Variants in PPP4R4 observed in about 807,000 individuals in gnomAD.
PPP4R4 encodes the protein serine/threonine-protein phosphatase 4 regulatory subunit 4.
In PPP4R4, 70 loss-of-function variants were observed where a neutral mutation model predicts 121.8. The ratio of observed to expected loss-of-function variants is 0.57; its 90% CI spans 0.47 to 0.70. The LOEUF is 0.70. Ranked by LOEUF, PPP4R4 falls within the 30% of genes least tolerant of loss-of-function variation. The probability of loss-of-function intolerance (pLI) is 0.00; values close to 1 mark genes in which losing one functional copy is unlikely to be tolerated. For synonymous variants in PPP4R4, 348 were observed against 355.7 expected (o/e 0.98, Z 0.24); for missense variants, 875 against 1,033.6 (o/e 0.85, Z 2.10).
intron 9 of PPP4R4, among the ~76,000 whole-genome samples, chr14:94,241,555 A>G (rs1286473638): frequency 6.6e-6 from 1 of 152,088 alleles, no homozygotes; most frequent in Admixed American, 6.5e-5. Flanking sequence ...TTCCTGCGTT[A>G]TGTAAGTTAT....
intron 1 of PPP4R4, 168 bp from the exon 2 acceptor site, chr14:94,175,886 C>T (rs981423629): frequency 1.5e-5 from 9 of 613,258 alleles, no homozygotes; most frequent in African/African-American, 9.2e-5. Flanking sequence ...TAGAGACCTC[C>T]GTGATTGATG....
intron 3 of PPP4R4, among the ~76,000 whole-genome samples, chr14:94,216,202 A>G (rs1255704678): frequency 6.6e-6 from 1 of 152,250 alleles, no homozygotes; most frequent in African/African-American, 2.4e-5. Context: ...CTGCAAGAGA[A>G]CATCACTCTT....
Position 94,209,968 on chromosome 14 carries a change from T to G in PPP4R4, c.294+1402T>G, listed in dbSNP as rs576687963. Among the ~76,000 whole-genome samples the G allele has an allele frequency of 5.9e-5, 9 of 152,196 alleles. No homozygotes were observed. The South Asian group carries it at 1.9e-3, about 32-fold the overall frequency. Reference sequence around the variant, plus strand: ...AAATTACTTTGCAAAATTCCTTTTGTTGAGTTCACAATAAAGGAAGTTAAG... The same window carrying G: ...AAATTACTTTGCAAAATTCCTTTTGGTGAGTTCACAATAAAGGAAGTTAAG... On this transcript the variant is annotated intron_variant, in intron 3 of 24. Transcript: ENST00000304338.
chr14:94,182,086 C>T (rs1279345925), intron 2 of PPP4R4, among the ~76,000 whole-genome samples: 1 of 152,128 alleles, frequency 6.6e-6, no homozygotes, highest in Non-Finnish European at 1.5e-5. Context: ...GAGAGAGATA[C>T]ATACCATCTC....
In PPP4R4 at chr14:94,174,329, C is replaced by T. The variant is rs1373205624; in HGVS notation, c.-137C>T. The T allele has an allele frequency of 3.1e-5, 23 of 744,364 alleles. No individual in the cohort carries two copies. Among genetic ancestry groups the T allele is most frequent in the Non-Finnish European group, 3.8e-5 (21 of 557,098 alleles). 46.1% of individuals were successfully genotyped at this position (744,364 alleles called of 1,614,324 possible). A position where few individuals can be genotyped will look rare whatever the true frequency, so the allele number is the denominator to read the frequency against. On this transcript the variant is annotated 5_prime_UTR_variant, in exon 1 of 25. Transcript: ENST00000304338. ...CCCTCGCCGGGCCGTGCTCTTGCTCCCGCCGCCTGGCAGCCTCACGCTCGG... is the reference window on the plus strand; with the variant it reads ...CCCTCGCCGGGCCGTGCTCTTGCTCTCGCCGCCTGGCAGCCTCACGCTCGG...
intron 2 of PPP4R4, among the ~76,000 whole-genome samples, chr14:94,200,974 C>G (rs1423119691): frequency 6.6e-6 from 1 of 152,106 alleles, no homozygotes; most frequent in Non-Finnish European, 1.5e-5. Context: ...ATGCTATGAA[C>G]TCTCCTCTTA....
chr14:94,206,804 C>T (rs1449083207), intron 2 of PPP4R4, among the ~76,000 whole-genome samples: 1 of 151,934 alleles, frequency 6.6e-6, no homozygotes, highest in Admixed American at 6.6e-5. Flanking sequence ...AAATTTATTT[C>T]CTCTGGTTGT....
intron 2 of PPP4R4, among the ~76,000 whole-genome samples, chr14:94,206,374 G>T (rs2139444672): frequency 6.6e-6 from 1 of 151,890 alleles, no homozygotes; most frequent in East Asian, 1.9e-4. Flanking sequence ...TGAGTTTCTT[G>T]TAGACAGTAT....
At chr14:94,200,797 T>C (rs1290749578) in intron 2 of PPP4R4, among the ~76,000 whole-genome samples, 1 of 112,718 alleles carries the variant, frequency 8.9e-6, no homozygotes, top group Admixed American at 9.1e-5. Flanking sequence ...GTTTCACTTA[T>C]CTTTTGTATT....
At chr14:94,211,344 C>T (rs1004775709) in intron 3 of PPP4R4, among the ~76,000 whole-genome samples, 2 of 152,090 alleles carry the variant, frequency 1.3e-5, no homozygotes, top group South Asian at 2.1e-4. Context: ...AATATAGTAA[C>T]GAGGGCACCT....
chr14:94,271,244 A>G (rs570127202), intron 23 of PPP4R4, among the ~76,000 whole-genome samples: 3 of 152,332 alleles, frequency 2.0e-5, no homozygotes, highest in Admixed American at 1.3e-4. Flanking sequence ...ATCTCTCAAG[A>G]TCACAAATGT....
At chr14:94,275,183 G>A (rs966577438) in intron 23 of PPP4R4, among the ~76,000 whole-genome samples, 191 bp from the exon 24 acceptor site, 1 of 152,150 alleles carries the variant, frequency 6.6e-6, no homozygotes, top group East Asian at 1.9e-4. Context: ...CATCTTGATT[G>A]TGGTGATGAC....
chr14:94,207,694 AT>A (rs375727391), intron 2 of PPP4R4, among the ~76,000 whole-genome samples: 7 of 151,538 alleles, frequency 4.6e-5, no homozygotes, highest in South Asian at 4.1e-4. Context: ...TGATATATAT[AT>A]CTATATCTAT....
chr14:94,267,158 A>G (rs1370570313), intron 23 of PPP4R4, 129 bp downstream of exon 23: 1 of 583,040 alleles, frequency 1.7e-6, no homozygotes, highest in Non-Finnish European at 2.9e-6. Context: ...GGTCCCTAAG[A>G]AATTAAACTT....
chr14:94,244,501 A>G, intron 11 of PPP4R4, 134 bp from the exon 12 acceptor site: 1 of 720,800 alleles, frequency 1.4e-6, no homozygotes, highest in East Asian at 4.9e-5. Flanking sequence ...ATAGAATCTA[A>G]TTTTATATTT....
chr14:94,262,886 A>G (rs921932468), intron 19 of PPP4R4, among the ~76,000 whole-genome samples: 2 of 152,066 alleles, frequency 1.3e-5, no homozygotes, highest in African/African-American at 2.4e-5. Flanking sequence ...TTCACTGGGT[A>G]TAGAAGTCTG....
intron 3 of PPP4R4, among the ~76,000 whole-genome samples, chr14:94,223,316 T>C (rs939250241): frequency 9.2e-5 from 14 of 152,246 alleles, no homozygotes; most frequent in African/African-American, 3.4e-4. Flanking sequence ...GATGATATCT[T>C]TCTCATGGAA....
intron 3 of PPP4R4, among the ~76,000 whole-genome samples, chr14:94,229,500 C>G (rs1891896340): frequency 2.6e-5 from 4 of 152,078 alleles, no homozygotes; most frequent in Admixed American, 2.6e-4. Flanking sequence ...GAGATTCCAA[C>G]TAGATATCCA....
chr14:94,251,837 C>T lies in PPP4R4; in HGVS notation c.1806C>T (p.Phe602=). 1 of 1,597,744 alleles carries T rather than the reference C, an allele frequency of 6.3e-7. No homozygotes were observed. Among genetic ancestry groups the T allele is most frequent in the Non-Finnish European group, 8.6e-7 (1 of 1,169,234 alleles). ...FIIEIFSKSF[F]CKYFFLPAIE... The stretch of plus-strand genomic sequence containing the variant: ...TAGAGATATTTTCAAAATCATTTTT[C>T]TGTAAATATTTCTTTCTACCTGCTA... The change falls in exon 16 of 25, where the codon TTC becomes TTT. Residue 602 remains phenylalanine (F), a synonymous_variant. Coordinates refer to ENST00000304338, the MANE Select transcript of PPP4R4 (RefSeq NM_058237.2).
Sources: gnomAD v4.1 joint callset for allele counts (sites outside exome capture counted in the v4.1 genomes callset) on GRCh38, gnomAD v4.1.1 for gene constraint, MANE v1.5 for transcripts, NCBI Gene and HGNC (gene_info 2026-07-23, HGNC 2026-07-21) for gene names.